Variants in INTU observed in about 807,000 individuals in gnomAD.
The protein encoded by INTU is protein inturned.
INTU carries 68 observed loss-of-function variants against 100.5 expected under a neutral mutation model. The observed-to-expected ratio is 0.68, with a 90% CI of 0.56 to 0.83. The LOEUF (loss-of-function observed/expected upper bound fraction) is 0.83, where lower values mean the gene tolerates loss of function less well. INTU is among the 40% of genes least tolerant of loss of function. The pLI is 0.00. For synonymous variants in INTU, 357 were observed against 395.7 expected, an observed-to-expected ratio of 0.90 and a Z score of 1.16; for missense variants, 1,071 against 1,114.7, an observed-to-expected ratio of 0.96 and a Z score of 0.56.
chr4:127,655,392 T>A (rs1280643434), intron 2 of INTU, among the ~76,000 whole-genome samples: 1 of 150,878 alleles, frequency 6.6e-6, no homozygotes, highest in African/African-American at 2.5e-5. Context: ...GATGTACAGA[T>A]GGGTTTTTGG....
At chr4:127,673,617 G>A (rs1362986312) in intron 5 of INTU, among the ~76,000 whole-genome samples, 3 of 146,254 alleles carry the variant, frequency 2.1e-5, no homozygotes, top group Non-Finnish European at 4.5e-5. Flanking sequence ...CTTTTTTTGA[G>A]ATAGAGTCTC....
intron 4 of INTU, among the ~76,000 whole-genome samples, chr4:127,668,270 AT>A (rs1479776325): frequency 2.0e-5 from 3 of 152,082 alleles, no homozygotes; most frequent in Admixed American, 2.0e-4. Context: ...TTGTCATTTT[AT>A]TTTGTAAAAA....
rs1731284860 is a variant in INTU at position 127,717,442 on chromosome 4, T to C, written c.*1006T>C. 1 of 152,248 alleles carries C rather than the reference T, an allele frequency of 6.6e-6. No homozygotes were observed. The highest frequency in any genetic ancestry group is 2.4e-5 in the African/African-American group (1 of 41,474). The allele number at this position is 152,248 out of a possible 1,614,324, so 9.4% of individuals were successfully genotyped here. The stretch of plus-strand genomic sequence containing the variant: ...TTTGCTATTGTAAATAGTGCTTCAA[T>C]GAACATATGTGTGCATATATATTTG... On this transcript the variant is annotated 3_prime_UTR_variant, in exon 16 of 16. Coordinates refer to ENST00000335251, the MANE Select transcript of INTU (RefSeq NM_015693.4).
In INTU at chr4:127,710,924, G is replaced by A. The variant is rs1560620991; in HGVS notation, c.2381G>A (p.Gly794Asp). 6.8e-7 allele frequency: 1 copy of A among 1,473,014 alleles called. No individual in the cohort carries two copies. Among genetic ancestry groups the A allele is most frequent in the Non-Finnish European group, 9.1e-7 (1 of 1,094,642 alleles). The allele number at this position is 1,473,014 out of a possible 1,614,324, so 91.2% of individuals were successfully genotyped here. Reference protein sequence around the residue: ...EIYNTVKLTSGPENTLFHYVA... With the variant: ...EIYNTVKLTSDPENTLFHYVA... ...TTTTTCTTTTTAAGACTGACATCTGGTCCTGAGAACACACTTTTCCACTAC... is the reference window on the plus strand; with the variant it reads ...TTTTTCTTTTTAAGACTGACATCTGATCCTGAGAACACACTTTTCCACTAC... The change falls in exon 14 of 16, where the codon GGT becomes GAT. Residue 794 changes from glycine to aspartate, a missense_variant. Coordinates refer to ENST00000335251, the MANE Select transcript of INTU (RefSeq NM_015693.4).
chr4:127,643,808 A>G lies in INTU; in HGVS notation c.434A>G (p.Gln145Arg), dbSNP rs755966532. The G allele has an allele frequency of 6.2e-7, 1 of 1,614,152 alleles. No individual in the cohort carries two copies. Among genetic ancestry groups the G allele is most frequent in the Non-Finnish European group, 8.5e-7 (1 of 1,180,038 alleles). ...GGACCAGTATCCATTCTAAAGCATC[A>G]GTCCAATCAGAAGACAGGAGTCATT... ...DNGPVSILKH[Q>R]SNQKTGVIVQ... The change falls in exon 2 of 16, where the codon CAG (glutamine) becomes CGG (arginine). Residue 145 changes from glutamine (Q) to arginine (R), a missense_variant. Transcript: ENST00000335251.
At chr4:127,696,547 A>G (rs1364267820) in intron 8 of INTU, among the ~76,000 whole-genome samples, 5 of 146,670 alleles carry the variant, frequency 3.4e-5, no homozygotes, top group Admixed American at 6.8e-5. Flanking sequence ...CATTTCTGGT[A>G]TTAGTAATTT....
rs570123950 is a variant in INTU at position 127,720,137 on chromosome 4, T to C, written c.*3701T>C. On this transcript the variant is annotated 3_prime_UTR_variant, in exon 16 of 16. Coordinates refer to ENST00000335251, the MANE Select transcript of INTU (RefSeq NM_015693.4). ...CATTTAGTGCTATAAATTTCCCTCT[T>C]AACACTGCTTTAGCTATGCCCCAGA... 2 of 152,226 alleles carry C rather than the reference T, an allele frequency of 1.3e-5. No individual in the cohort carries two copies. The highest frequency in any genetic ancestry group is 4.8e-5 in the African/African-American group (2 of 41,548). The allele number at this position is 152,226 out of a possible 1,614,324, so 9.4% of individuals were successfully genotyped here. A position where few individuals can be genotyped will look rare whatever the true frequency, so the allele number is the denominator to read the frequency against.
chr4:127,653,490 A>C (rs1728009096), intron 2 of INTU, among the ~76,000 whole-genome samples: 1 of 151,570 alleles, frequency 6.6e-6, no homozygotes, highest in Admixed American at 6.6e-5. Flanking sequence ...TCCAGTAGTC[A>C]TTCAGGAGCA....
chr4:127,655,539 G>T (rs1027133261), intron 2 of INTU, among the ~76,000 whole-genome samples: 2 of 151,616 alleles, frequency 1.3e-5, no homozygotes, highest in South Asian at 2.1e-4. Flanking sequence ...CTGCTCGGGG[G>T]TCAGGGGTCA....
intron 2 of INTU, among the ~76,000 whole-genome samples, chr4:127,650,213 G>C (rs1457000661): frequency 6.6e-6 from 1 of 151,876 alleles, no homozygotes; most frequent in Non-Finnish European, 1.5e-5. Context: ...GTTTTGTTTT[G>C]TTTTAATTTT....
At chr4:127,699,852 A>G (rs1170892143) in intron 8 of INTU, among the ~76,000 whole-genome samples, 158 bp from the exon 9 acceptor site, 2 of 152,208 alleles carry the variant, frequency 1.3e-5, no homozygotes, top group Admixed American at 1.3e-4. Flanking sequence ...AAGCTTAAAA[A>G]CAATATGTTC....
At chr4:127,651,285 T>A (rs977401303) in intron 2 of INTU, among the ~76,000 whole-genome samples, 5 of 152,220 alleles carry the variant, frequency 3.3e-5, no homozygotes, top group Admixed American at 2.6e-4. Context: ...AGTCATGAAG[T>A]CCTTACCCGT....
chr4:127,683,638 G>T (rs971320682), intron 6 of INTU, among the ~76,000 whole-genome samples: 2 of 152,136 alleles, frequency 1.3e-5, no homozygotes, highest in Non-Finnish European at 2.9e-5. Context: ...TGGGGCACAT[G>T]ATCGAGGGAC....
At chr4:127,713,188 G>T (rs1216072798) in intron 14 of INTU, among the ~76,000 whole-genome samples, 1 of 152,200 alleles carries the variant, frequency 6.6e-6, no homozygotes, top group Non-Finnish European at 1.5e-5. Context: ...GGGTAGAACA[G>T]GAAACAGAAT....
intron 14 of INTU, among the ~76,000 whole-genome samples, chr4:127,712,700 A>G (rs1731136518): frequency 6.6e-6 from 1 of 152,210 alleles, no homozygotes; most frequent in African/African-American, 2.4e-5. Flanking sequence ...GTCAAGTGAT[A>G]CTTGAACAGA....
chr4:127,666,970 T>C (rs1036335383), intron 4 of INTU, among the ~76,000 whole-genome samples: 4 of 151,914 alleles, frequency 2.6e-5, no homozygotes, highest in East Asian at 1.9e-4. Flanking sequence ...CTTAGACACA[T>C]TTTTTTTATT....
chr4:127,672,526 T>C (rs1337012567), intron 5 of INTU, among the ~76,000 whole-genome samples: 1 of 150,798 alleles, frequency 6.6e-6, no homozygotes, highest in Non-Finnish European at 1.5e-5. Flanking sequence ...TTATTTTACC[T>C]AATATTTAGA....
intron 15 of INTU, among the ~76,000 whole-genome samples, chr4:127,714,343 T>C (rs1236347235): frequency 6.6e-6 from 1 of 152,112 alleles, no homozygotes; most frequent in Non-Finnish European, 1.5e-5. Context: ...TCTTCTTCCC[T>C]TTTTCCCCTG....
intron 14 of INTU, among the ~76,000 whole-genome samples, chr4:127,713,649 G>A (rs1731166207): frequency 6.6e-6 from 1 of 151,992 alleles, no homozygotes; most frequent in Non-Finnish European, 1.5e-5. Flanking sequence ...CTTCCACTGT[G>A]GAAGACAGAT....
Sources: gnomAD v4.1 joint callset for allele counts (sites outside exome capture counted in the v4.1 genomes callset) on GRCh38, gnomAD v4.1.1 for gene constraint, MANE v1.5 for transcripts, NCBI Gene and HGNC (gene_info 2026-07-23, HGNC 2026-07-21) for gene names.